The following PTPN13 variants were observed in gnomAD, a reference collection of about 807,000 sequenced individuals.
The protein encoded by PTPN13 is protein tyrosine phosphatase non-receptor type 13.
PTPN13 carries 191 observed loss-of-function variants against 284.0 expected under a neutral mutation model. That is an observed-to-expected ratio of 0.67 (90% CI 0.60 to 0.76). PTPN13 has a LOEUF of 0.76. Among genes scored for constraint, PTPN13 ranks in the 30% least tolerant of loss-of-function variants. The pLI is 0.00. For synonymous variants in PTPN13, 986 were observed against 1,022.3 expected, an observed-to-expected ratio of 0.96 and a Z score of 0.68; for missense variants, 2,797 against 2,939.9, an observed-to-expected ratio of 0.95 and a Z score of 1.12.
intron 35 of PTPN13, among the ~76,000 whole-genome samples, chr4:86,775,897 A>T (rs2149289044): frequency 6.6e-6 from 1 of 152,284 alleles, no homozygotes; most frequent in Middle Eastern, 3.4e-3. Flanking sequence ...ATAAAACTCA[A>T]CTTTTGTTTA....
At chr4:86,738,578 A>G (rs1330216723) in intron 15 of PTPN13, among the ~76,000 whole-genome samples, 2 of 152,232 alleles carry the variant, frequency 1.3e-5, no homozygotes, top group Non-Finnish European at 2.9e-5. Context: ...CTTACTGTTA[A>G]GAAGTACATG....
At position 86,701,964 on chromosome 4, in the gene PTPN13, A is replaced by G. The variant is rs540653109; in HGVS notation, c.1195+163A>G. Among the ~76,000 whole-genome samples the G allele has an allele frequency of 3.3e-5, 5 of 152,248 alleles. No homozygotes were observed. The South Asian group carries it at 8.3e-4, about 25-fold the overall frequency. ...TCTGTCAATTTCTGTTCTCCCTTCC[A>G]TCAAAACCCTAATTGAAATACTCTG... On this transcript the variant is annotated intron_variant, in intron 7 of 47. Transcript: ENST00000411767.
chr4:86,741,589 C>T, intron 15 of PTPN13, 45 bp from the exon 16 acceptor site: 1 of 1,524,750 alleles, frequency 6.6e-7, no homozygotes. Flanking sequence ...CTTTATGTCA[C>T]CATTTACCAA....
intron 10 of PTPN13, among the ~76,000 whole-genome samples, chr4:86,731,017 G>A (rs1293939362): frequency 6.6e-6 from 1 of 152,076 alleles, no homozygotes; most frequent in Non-Finnish European, 1.5e-5. Flanking sequence ...AACCCCTTAT[G>A]TTGAACTTTT....
chr4:86,775,668 TTA>T lies in PTPN13; in HGVS notation c.5891+18_5891+19del, dbSNP rs756155971. 6.3e-7 allele frequency: 1 copy of T among 1,589,636 alleles called. No homozygotes were observed. Among genetic ancestry groups the T allele is most frequent in the Admixed American group, 1.7e-5 (1 of 58,310 alleles). On this transcript the variant is annotated intron_variant, in intron 35 of 47. Coordinates refer to ENST00000411767, the MANE Select transcript of PTPN13 (RefSeq NM_080683.3). ...AAGCAACAAGGTACTCTGCAATTAT[TTA>T]TGAGTTTTGATTGTGCGTGTGTGTG...
rs2149254571 is a variant in PTPN13 at position 86,764,698 on chromosome 4, G to A, written c.4123G>A (p.Asp1375Asn). ...CTTTGAGGTTGAACTGGCTAAAAATGATAACAGCTTGGGGATAAGTGTCAC... is the reference window on the plus strand; with the variant it reads ...CTTTGAGGTTGAACTGGCTAAAAATAATAACAGCTTGGGGATAAGTGTCAC... The part of the protein sequence containing the change: ...DIFEVELAKN[D>N]NSLGISVTGG... Residue 1375 changes from aspartate to asparagine, a missense_variant, in exon 25 of 48, where the codon GAT (aspartate) becomes AAT (asparagine). Coordinates refer to ENST00000411767, the MANE Select transcript of PTPN13 (RefSeq NM_080683.3). The A allele has an allele frequency of 6.2e-7, 1 of 1,605,820 alleles. No individual in the cohort carries two copies. Among genetic ancestry groups the A allele is most frequent in the East Asian group, 2.3e-5 (1 of 44,434 alleles).
chr4:86,651,697 C>T (rs1725098910), intron 2 of PTPN13, among the ~76,000 whole-genome samples: 1 of 152,046 alleles, frequency 6.6e-6, no homozygotes, highest in Admixed American at 6.6e-5. Context: ...TTTCTTCATG[C>T]TTCACTCTTG....
At chr4:86,717,189 ATTTT>A (rs35080587) in intron 9 of PTPN13, 72 bp downstream of exon 9, 43 of 739,532 alleles carry the variant, frequency 5.8e-5, no homozygotes, top group Middle Eastern at 7.3e-4. Flanking sequence ...ATTAAATGGA[ATTTT>A]TTTTTTTTTT....
rs751066134 is a variant in PTPN13 at position 86,717,044 on chromosome 4, A to C, written c.1312A>C (p.Lys438Gln). 1 of 1,612,948 alleles carries C rather than the reference A, an allele frequency of 6.2e-7. No individual in the cohort carries two copies. Among genetic ancestry groups the C allele is most frequent in the Non-Finnish European group, 8.5e-7 (1 of 1,179,396 alleles). ...ATTAGTGAGAAGAAGTGAAGCCTCA[A>C]AGAGGTTTGAATCCAGCAGTGGTCT... ...FRQVRRSEAS[K>Q]RFESSSGLPG... Residue 438 changes from lysine (K) to glutamine (Q), a missense_variant, in exon 9 of 48, where the codon AAG becomes CAG. Transcript: ENST00000411767.
chr4:86,807,425 C>T (rs1389959283), intron 44 of PTPN13, 135 bp from the exon 45 acceptor site: 6 of 648,936 alleles, frequency 9.2e-6, no homozygotes, highest in African/African-American at 1.8e-5. Context: ...TGAAAATATA[C>T]TTCTATTAAA....
At position 86,807,786 on chromosome 4, in the gene PTPN13, C is replaced by T; in HGVS notation, c.6972C>T (p.Pro2324=). Reference sequence around the variant, plus strand: ...AAATCAAATGCCAGCGCTATTGGCCCAACATCCTAGGCAAAACAACAATGG... The same window carrying T: ...AAATCAAATGCCAGCGCTATTGGCCTAACATCCTAGGCAAAACAACAATGG... ...GEKIKCQRYW[P]NILGKTTMVS... Residue 2324 remains proline (P), a synonymous_variant, in exon 45 of 48, where the codon CCC becomes CCT. Coordinates refer to ENST00000411767, the MANE Select transcript of PTPN13 (RefSeq NM_080683.3). 2 of 1,613,950 alleles carry T rather than the reference C, an allele frequency of 1.2e-6. No individual in the cohort carries two copies. The highest frequency in any genetic ancestry group is 1.7e-6 in the Non-Finnish European group (2 of 1,179,886).
intron 17 of PTPN13, among the ~76,000 whole-genome samples, chr4:86,745,391 A>C (rs1736625514): frequency 6.6e-6 from 1 of 152,164 alleles, no homozygotes; most frequent in South Asian, 2.1e-4. Flanking sequence ...AAACATTATA[A>C]ACATTTGGGC....
chr4:86,666,740 T>G (rs1727127412), intron 2 of PTPN13, among the ~76,000 whole-genome samples: 1 of 152,146 alleles, frequency 6.6e-6, no homozygotes, highest in African/African-American at 2.4e-5. Flanking sequence ...ACCCACAGAT[T>G]GGCTGGACCA....
At chr4:86,729,164 T>C (rs575828910) in intron 10 of PTPN13, among the ~76,000 whole-genome samples, 5 of 149,708 alleles carry the variant, frequency 3.3e-5, no homozygotes, top group Middle Eastern at 6.9e-3. Context: ...TGTTGAATAT[T>C]GGCCCCCACT....
Position 86,734,495 on chromosome 4 carries a change from A to G in PTPN13, c.2012+39A>G, listed in dbSNP as rs1194116926. 2.0e-6 allele frequency: 3 copies of G among 1,475,462 alleles called. No individual in the cohort carries two copies. In the South Asian group the frequency reaches 4.2e-5, roughly 21 times the overall value. 91.4% of individuals were successfully genotyped at this position (1,475,462 alleles called of 1,614,324 possible). On this transcript the variant is annotated intron_variant, in intron 13 of 47. Coordinates refer to ENST00000411767, the MANE Select transcript of PTPN13 (RefSeq NM_080683.3). ...AGTTTCTCTTTTGCTCTTTTTGGAC[A>G]CTGGTCTTTTGACCCTTTAGCTTAC...
chr4:86,736,917 A>G (rs1220828835), intron 15 of PTPN13, among the ~76,000 whole-genome samples: 1 of 152,238 alleles, frequency 6.6e-6, no homozygotes, highest in Non-Finnish European at 1.5e-5. Flanking sequence ...TCTTTCTTCT[A>G]ACTTAAGAAG....
intron 6 of PTPN13, 70 bp from the exon 7 acceptor site, chr4:86,701,171 A>C: frequency 8.3e-7 from 1 of 1,203,198 alleles, no homozygotes; most frequent in Non-Finnish European, 1.1e-6. Context: ...TTTCATTGTC[A>C]ATAGTGGATT....
At position 86,647,129 on chromosome 4, in the gene PTPN13, A is replaced by G. The variant is rs141961890; in HGVS notation, c.115+11758A>G. Among the ~76,000 whole-genome samples the G allele has an allele frequency of 1.1e-4, 17 of 152,284 alleles. No homozygotes were observed. In the East Asian group the frequency reaches 3.1e-3, roughly 28 times the overall value. On this transcript the variant is annotated intron_variant, in intron 2 of 47. Transcript: ENST00000411767. ...GAGGAAACTTTTAGAGGTGATGGAT[A>G]TATTAATTATCTTGATTTGATTGCC...
chr4:86,681,033 G>GTGA (rs369292424), intron 3 of PTPN13, among the ~76,000 whole-genome samples: 1 of 152,040 alleles, frequency 6.6e-6, no homozygotes, highest in African/African-American at 2.4e-5. Flanking sequence ...TTTGATGATG[G>GTGA]TGATGATGAT....
Sources: gnomAD v4.1 joint callset for allele counts (sites outside exome capture counted in the v4.1 genomes callset) on GRCh38, gnomAD v4.1.1 for gene constraint, MANE v1.5 for transcripts, NCBI Gene and HGNC (gene_info 2026-07-23, HGNC 2026-07-21) for gene names.